Variants in SEMA6D observed in about 807,000 individuals in gnomAD.
SEMA6D encodes the protein semaphorin 6D, also known as semaphorin-6D.
In SEMA6D, 35 loss-of-function variants were observed where a neutral mutation model predicts 106.6. The ratio of observed to expected loss-of-function variants is 0.33; its 90% CI spans 0.25 to 0.44. The LOEUF is 0.44. SEMA6D is among the 20% of genes least tolerant of loss of function. The pLI, the probability that SEMA6D is intolerant of heterozygous loss-of-function variation, is 1.00. For synonymous variants in SEMA6D, 499 were observed against 487.7 expected, an observed-to-expected ratio of 1.02 and a Z score of -0.31; for missense variants, 1,185 against 1,345.9, an observed-to-expected ratio of 0.88 and a Z score of 1.87.
intron 1 of SEMA6D, among the ~76,000 whole-genome samples, chr15:47,352,281 C>A (rs2038356018): frequency 6.6e-6 from 1 of 152,102 alleles, no homozygotes; most frequent in African/African-American, 2.4e-5. Flanking sequence ...TGATTTCCAT[C>A]AAGATGTTTG....
intron 2 of SEMA6D, among the ~76,000 whole-genome samples, chr15:47,417,407 G>A (rs950900580): frequency 2.6e-5 from 3 of 115,876 alleles, no homozygotes; most frequent in Non-Finnish European, 3.6e-5. Context: ...TACTGTGTGT[G>A]TGTATATGTG....
At chr15:47,498,803 A>C (rs1227357354) in intron 3 of SEMA6D, among the ~76,000 whole-genome samples, 1 of 152,136 alleles carries the variant, frequency 6.6e-6, no homozygotes, top group Non-Finnish European at 1.5e-5. Context: ...AGATCAGGAG[A>C]ATCGTGAGAA....
chr15:47,296,658 A>C (rs796445176), intron 1 of SEMA6D, among the ~76,000 whole-genome samples: 1 of 152,220 alleles, frequency 6.6e-6, no homozygotes, highest in Non-Finnish European at 1.5e-5. Flanking sequence ...GAAAGATGGG[A>C]TATAATCTGG....
At chr15:47,283,286 G>C (rs545552187) in intron 1 of SEMA6D, among the ~76,000 whole-genome samples, 1 of 152,234 alleles carries the variant, frequency 6.6e-6, no homozygotes, top group South Asian at 2.1e-4. Flanking sequence ...ACATGTGTGT[G>C]TATATGTTTT....
chr15:47,630,307 A>C (rs1483281612), intron 4 of SEMA6D, among the ~76,000 whole-genome samples: 4 of 151,600 alleles, frequency 2.6e-5, no homozygotes, highest in Non-Finnish European at 5.9e-5. Flanking sequence ...TTTTCTTTCT[A>C]ATTTTTGGCA....
chr15:47,553,624 G>T (rs183128224), intron 3 of SEMA6D, among the ~76,000 whole-genome samples: 17 of 152,280 alleles, frequency 1.1e-4, no homozygotes, highest in African/African-American at 4.1e-4. Flanking sequence ...TGGAAATGAA[G>T]TTGAGGTTTT....
At chr15:47,418,483 T>C (rs1567065890) in intron 2 of SEMA6D, among the ~76,000 whole-genome samples, 1 of 152,074 alleles carries the variant, frequency 6.6e-6, no homozygotes, top group Non-Finnish European at 1.5e-5. Flanking sequence ...AGGCCGAGCC[T>C]TCTGTTTGTC....
At chr15:47,677,561 A>G (rs1362297113) in intron 4 of SEMA6D, among the ~76,000 whole-genome samples, 1 of 152,198 alleles carries the variant, frequency 6.6e-6, no homozygotes, top group East Asian at 1.9e-4. Context: ...CAGTGTTACA[A>G]ATATCTTTGA....
chr15:47,719,714 C>T (rs118031252), intron 1 of SEMA6D, among the ~76,000 whole-genome samples: 169 of 152,210 alleles, frequency 1.1e-3, no homozygotes, highest in Middle Eastern at 6.8e-3. Context: ...CATCTCAGAC[C>T]GCTCAAGGGA....
chr15:47,244,370 C>T (rs766074431), intron 1 of SEMA6D, among the ~76,000 whole-genome samples: 4 of 152,116 alleles, frequency 2.6e-5, no homozygotes, highest in Non-Finnish European at 5.9e-5. Flanking sequence ...TTCAGGGTTA[C>T]TAAGGATTAG....
intron 1 of SEMA6D, among the ~76,000 whole-genome samples, chr15:47,203,340 CT>C (rs1894843137): frequency 6.6e-6 from 1 of 152,162 alleles, no homozygotes; most frequent in Non-Finnish European, 1.5e-5. Context: ...TTAAGATCCT[CT>C]CCCTAGGAAT....
chr15:47,302,320 G>A (rs1409719413), intron 1 of SEMA6D, among the ~76,000 whole-genome samples: 1 of 152,036 alleles, frequency 6.6e-6, no homozygotes, highest in Non-Finnish European at 1.5e-5. Context: ...GCCCTTTTCT[G>A]TCTCTTGCAA....
chr15:47,563,450 T>TA (rs2046137257), intron 3 of SEMA6D, among the ~76,000 whole-genome samples: 2 of 152,212 alleles, frequency 1.3e-5, no homozygotes, highest in African/African-American at 4.8e-5. Flanking sequence ...CTTGAAATGC[T>TA]ATGGCTCCTC....
At chr15:47,565,840 A>G (rs1400362989) in intron 3 of SEMA6D, among the ~76,000 whole-genome samples, 1 of 152,196 alleles carries the variant, frequency 6.6e-6, no homozygotes, top group Non-Finnish European at 1.5e-5. Flanking sequence ...TTTCTTCTTC[A>G]TCACTGCATG....
chr15:47,321,377 C>T (rs967097198), intron 1 of SEMA6D, among the ~76,000 whole-genome samples: 6 of 152,118 alleles, frequency 3.9e-5, no homozygotes, highest in African/African-American at 7.2e-5. Flanking sequence ...AATGAATACA[C>T]GTATTTCATT....
intron 3 of SEMA6D, among the ~76,000 whole-genome samples, chr15:47,581,021 G>A (rs556896286): frequency 1.3e-4 from 20 of 152,182 alleles, no homozygotes; most frequent in African/African-American, 4.8e-4. Flanking sequence ...ATCTGCATCT[G>A]GTATTACAAC....
chr15:47,688,727 G>A (rs1448668309), intron 4 of SEMA6D, among the ~76,000 whole-genome samples: 4 of 152,196 alleles, frequency 2.6e-5, no homozygotes, highest in Admixed American at 6.5e-5. Context: ...GTTTCATAAT[G>A]TAACCTGGCA....
chr15:47,591,501 G>T (rs964498139), intron 3 of SEMA6D, among the ~76,000 whole-genome samples: 1 of 152,160 alleles, frequency 6.6e-6, no homozygotes, highest in African/African-American at 2.4e-5. Context: ...ATAGCCAGGT[G>T]TGTTGGACTT....
At position 47,370,905 on chromosome 15, in the gene SEMA6D, G is replaced by A. The variant is rs60569972; in HGVS notation, c.-238-41488G>A. Among the ~76,000 whole-genome samples the A allele has an allele frequency of 5.7e-3, 867 of 152,168 alleles. 12 individuals are homozygous for A. The highest frequency in any genetic ancestry group is 0.02 in the African/African-American group (824 of 41,508). On this transcript the variant is annotated intron_variant, in intron 1 of 19. Coordinates refer to the SEMA6D transcript ENST00000558014. Reference sequence around the variant, plus strand: ...AATAATGTATTATGTTTATTTGATGGTGAGGAAAGACTGGAGGATAATGTG... The same window carrying A: ...AATAATGTATTATGTTTATTTGATGATGAGGAAAGACTGGAGGATAATGTG...
Sources: gnomAD v4.1 joint callset for allele counts (sites outside exome capture counted in the v4.1 genomes callset) on GRCh38, gnomAD v4.1.1 for gene constraint, MANE v1.5 for transcripts, NCBI Gene and HGNC (gene_info 2026-07-23, HGNC 2026-07-21) for gene names.